Variants in CSMD3 observed in about 807,000 individuals in gnomAD.
The protein encoded by CSMD3 is CUB and Sushi multiple domains 3.
Under a neutral mutation model 435.2 loss-of-function variants are expected in CSMD3, and 177 were observed. The observed-to-expected ratio is 0.41, with a 90% CI of 0.36 to 0.46. CSMD3 has a LOEUF of 0.46. CSMD3 is among the 20% of genes least tolerant of loss of function. The pLI, the probability that CSMD3 is intolerant of heterozygous loss-of-function variation, is 0.34. For synonymous variants in CSMD3, 1,656 were observed against 1,520.5 expected, an observed-to-expected ratio of 1.09 and a Z score of -2.07; for missense variants, 4,265 against 4,504.6, an observed-to-expected ratio of 0.95 and a Z score of 1.52.
chr8:113,094,358 C>T (rs184585314), intron 5 of CSMD3, among the ~76,000 whole-genome samples: 10 of 152,246 alleles, frequency 6.6e-5, no homozygotes, highest in African/African-American at 2.4e-4. Context: ...CCTTTAGTTA[C>T]TGTAACTTTT....
At chr8:113,363,255 G>C (rs1272792067) in intron 1 of CSMD3, among the ~76,000 whole-genome samples, 3 of 144,294 alleles carry the variant, frequency 2.1e-5, no homozygotes, top group East Asian at 2.1e-4. Context: ...AACATCAAAA[G>C]CTTCTCTTAT....
intron 47 of CSMD3, 58 bp downstream of exon 47, chr8:112,318,779 T>G (rs1045442244): frequency 4.1e-5 from 47 of 1,144,160 alleles, no homozygotes; most frequent in African/African-American, 3.3e-4. Context: ...ATACCTATAT[T>G]AAGTTAAACA....
At position 112,492,537 on chromosome 8, in the gene CSMD3, C is replaced by T. The variant is rs754727962; in HGVS notation, c.5230G>A (p.Gly1744Arg). 1.2e-6 allele frequency: 2 copies of T among 1,613,786 alleles called. No individual in the cohort carries two copies. Among genetic ancestry groups the T allele is most frequent in the African/African-American group, 1.3e-5 (1 of 74,898 alleles). ...TTCCATCCAGGTCTTCCATCATCTC[C>T]CATGATACAGGTGAGTGTTGAATAA... The part of the protein sequence containing the change: ...QGYSTLTCIM[G>R]DDGRPGWNRA... Residue 1744 changes from glycine (G) to arginine (R), a missense_variant, in exon 31 of 71, where the codon GGA (glycine) becomes AGA (arginine). This residue lies in a region of CSMD3 where 3,255 missense variants were observed against 3,380.2 expected (regional missense o/e 0.96). Coordinates refer to ENST00000297405, the MANE Select transcript of CSMD3 (RefSeq NM_198123.2).
At chr8:112,977,662 A>G (rs2084904504) in intron 6 of CSMD3, among the ~76,000 whole-genome samples, 1 of 152,100 alleles carries the variant, frequency 6.6e-6, no homozygotes, top group Admixed American at 6.6e-5. Context: ...GAAATTCAGA[A>G]GTATTAAATG....
intron 12 of CSMD3, among the ~76,000 whole-genome samples, chr8:112,801,695 GT>G (rs1262965708): frequency 2.0e-5 from 3 of 151,978 alleles, no homozygotes; most frequent in Admixed American, 6.6e-5. Flanking sequence ...TTAGGTAGCA[GT>G]TTTTTGAGCT....
chr8:113,240,913 C>T (rs1304037058), intron 3 of CSMD3, among the ~76,000 whole-genome samples: 1 of 152,060 alleles, frequency 6.6e-6, no homozygotes, highest in Admixed American at 6.6e-5. Context: ...GTGAGTAACT[C>T]AGTTTCAATT....
intron 4 of CSMD3, among the ~76,000 whole-genome samples, chr8:113,135,787 AC>A (rs2091402747): frequency 6.6e-6 from 1 of 151,812 alleles, no homozygotes; most frequent in African/African-American, 2.4e-5. Flanking sequence ...AGGAGACTGG[AC>A]CTTTTCCCCA....
At chr8:112,671,616 C>T (rs544285773) in intron 16 of CSMD3, among the ~76,000 whole-genome samples, 2 of 152,100 alleles carry the variant, frequency 1.3e-5, no homozygotes, top group South Asian at 4.1e-4. Context: ...CTTTGACACA[C>T]AGATGATCCT....
chr8:113,105,035 A>G (rs2090433220), intron 4 of CSMD3, among the ~76,000 whole-genome samples: 1 of 152,166 alleles, frequency 6.6e-6, no homozygotes, highest in Non-Finnish European at 1.5e-5. Context: ...AATACTTCTC[A>G]GAATCTCTAA....
At chr8:112,519,280 C>G (rs1824032224) in intron 27 of CSMD3, among the ~76,000 whole-genome samples, 1 of 152,090 alleles carries the variant, frequency 6.6e-6, no homozygotes, top group Non-Finnish European at 1.5e-5. Flanking sequence ...GAAATTCCAA[C>G]AAAGATAAAG....
chr8:112,525,544 C>T (rs1237093208), intron 27 of CSMD3, among the ~76,000 whole-genome samples: 1 of 148,460 alleles, frequency 6.7e-6, no homozygotes, highest in African/African-American at 2.4e-5. Flanking sequence ...CATGGTGAAA[C>T]CCCGTCTCTA....
At chr8:112,482,233 T>C (rs550097810) in intron 31 of CSMD3, among the ~76,000 whole-genome samples, 140 of 152,316 alleles carry the variant, frequency 9.2e-4, no homozygotes, top group African/African-American at 3.2e-3. Flanking sequence ...AGTCATTCTA[T>C]GACAAAGTCC....
intron 22 of CSMD3, among the ~76,000 whole-genome samples, chr8:112,625,454 T>G (rs1834401378): frequency 6.6e-6 from 1 of 152,098 alleles, no homozygotes; most frequent in African/African-American, 2.4e-5. Context: ...CAATTGAGAT[T>G]CAAGTTTTAT....
chr8:113,282,150 C>T (rs1194754196), intron 2 of CSMD3, among the ~76,000 whole-genome samples: 1 of 151,936 alleles, frequency 6.6e-6, no homozygotes, highest in African/African-American at 2.4e-5. Flanking sequence ...AAAGCATTCC[C>T]TCTGAGAACT....
At chr8:112,604,021 A>AT (rs924384049) in intron 22 of CSMD3, among the ~76,000 whole-genome samples, 56 of 152,128 alleles carry the variant, frequency 3.7e-4, no homozygotes, top group Non-Finnish European at 4.4e-4. Context: ...AATAATATTA[A>AT]TTTTTTTTCA....
chr8:113,194,812 A>C (rs1032127069), intron 3 of CSMD3, among the ~76,000 whole-genome samples: 3 of 151,286 alleles, frequency 2.0e-5, no homozygotes. Context: ...ATCCTGCTAT[A>C]ATCTTTCACA....
intron 3 of CSMD3, among the ~76,000 whole-genome samples, chr8:113,251,203 G>A (rs1011477441): frequency 1.1e-4 from 16 of 151,818 alleles, no homozygotes; most frequent in African/African-American, 3.6e-4. Flanking sequence ...TTTAATAACC[G>A]GAGTCACTAG....
At chr8:112,279,423 C>A (rs112434378) in intron 59 of CSMD3, among the ~76,000 whole-genome samples, 4 of 152,198 alleles carry the variant, frequency 2.6e-5, no homozygotes, top group African/African-American at 9.6e-5. Context: ...GTCAGAGTGC[C>A]CATTGACCTA....
Position 112,899,104 on chromosome 8 carries a change from A to G in CSMD3, c.1633+22523T>C, listed in dbSNP as rs141527166. ...ACATGTACACCATGAAATGTTTAAA[A>G]TATTATAGAATTGCCAAAGTTTTAA... On this transcript the variant is annotated intron_variant, in intron 10 of 70. Transcript: ENST00000297405. Among the ~76,000 whole-genome samples the G allele has an allele frequency of 2.3e-3, 353 of 151,358 alleles. 1 individual carries two copies. Among genetic ancestry groups the G allele is most frequent in the African/African-American group, 8.1e-3 (336 of 41,430 alleles).
Sources: gnomAD v4.1 joint callset for allele counts (sites outside exome capture counted in the v4.1 genomes callset) on GRCh38, gnomAD v4.1.1 for gene constraint, gnomAD v4.1.1 regional missense constraint, MANE v1.5 for transcripts, NCBI Gene and HGNC (gene_info 2026-07-23, HGNC 2026-07-21) for gene names.